The following PCSK5 variants were observed in gnomAD, a reference collection of about 807,000 sequenced individuals.
PCSK5 encodes proprotein convertase subtilisin/kexin type 5, also known as prohormone convertase 5.
In PCSK5, 129 loss-of-function variants were observed where a neutral mutation model predicts 233.2. The observed-to-expected ratio is 0.55, with a 90% CI of 0.48 to 0.64. PCSK5 has a LOEUF of 0.64. PCSK5 is among the 30% of genes least tolerant of loss of function. PCSK5 has a pLI of 0.00. For synonymous variants in PCSK5, 825 were observed against 879.2 expected, an observed-to-expected ratio of 0.94 and a Z score of 1.09; for missense variants, 2,076 against 2,430.1, an observed-to-expected ratio of 0.85 and a Z score of 3.06.
intron 35 of PCSK5, among the ~76,000 whole-genome samples, chr9:76,349,273 C>CAAAAAA (rs71372068): frequency 3.0e-5 from 2 of 66,444 alleles, no homozygotes; most frequent in Non-Finnish European, 2.9e-5. Context: ...GACTCTGTCT[C>CAAAAAA]AAAAAAAAAA....
chr9:76,052,224 A>G (rs762356288), intron 5 of PCSK5, among the ~76,000 whole-genome samples: 9 of 152,226 alleles, frequency 5.9e-5, no homozygotes, highest in Non-Finnish European at 1.2e-4. Flanking sequence ...AAGAAATGTT[A>G]GTAAGGAGGT....
At chr9:76,037,672 CTG>C (rs1407086027) in intron 5 of PCSK5, among the ~76,000 whole-genome samples, 1 of 152,134 alleles carries the variant, frequency 6.6e-6, no homozygotes, top group Non-Finnish European at 1.5e-5. Flanking sequence ...GAAAGATACT[CTG>C]TAGGAGGAAA....
chr9:76,189,157 T>C lies in PCSK5; in HGVS notation c.2444T>C (p.Val815Ala). 1 of 1,611,406 alleles carries C rather than the reference T, an allele frequency of 6.2e-7. No homozygotes were observed. The highest frequency in any genetic ancestry group is 8.5e-7 in the Non-Finnish European group (1 of 1,177,836). The stretch of plus-strand genomic sequence containing the variant: ...TACTTCATGGAGGATGGGAGATGCG[T>C]GCAGAGCTGTAGTATCAGCTATTAC... ...EGYFMEDGRC[V>A]QSCSISYYFD... Residue 815 changes from valine to alanine, a missense_variant, in exon 19 of 38, where the codon GTG becomes GCG. Physicochemically the swap from Val to Ala is moderately conservative, Grantham distance 64. Coordinates refer to ENST00000674117, the MANE Select transcript of PCSK5 (RefSeq NM_001372043.1).
intron 8 of PCSK5, among the ~76,000 whole-genome samples, chr9:76,098,492 C>T (rs1364425673): frequency 2.0e-5 from 3 of 152,210 alleles, no homozygotes; most frequent in South Asian, 2.1e-4. Flanking sequence ...TCATGGTCAA[C>T]GTCCACTAGC....
rs58207645 is a variant in PCSK5 at position 76,280,508 on chromosome 9, G to A, written c.3143-11725G>A. Among the ~76,000 whole-genome samples, 1,163 of 152,230 alleles carry A rather than the reference G, an allele frequency of 7.6e-3. 12 individuals are homozygous for A. The highest frequency in any genetic ancestry group is 0.026 in the African/African-American group (1,081 of 41,538). On this transcript the variant is annotated intron_variant, in intron 24 of 37. Transcript: ENST00000674117. ...TATAATCCCAGCACTTTGGGAGGCC[G>A]AGGCAGGAGGATCGCTTGAGCCCAG...
chr9:75,989,908 C>T (rs778452204), intron 3 of PCSK5, among the ~76,000 whole-genome samples: 10 of 152,074 alleles, frequency 6.6e-5, no homozygotes, highest in East Asian at 1.9e-4. Context: ...TAAGGAGTGT[C>T]GGGAGCCATC....
intron 30 of PCSK5, among the ~76,000 whole-genome samples, chr9:76,318,524 A>G (rs1425007063): frequency 6.6e-6 from 1 of 152,192 alleles, no homozygotes; most frequent in Non-Finnish European, 1.5e-5. Flanking sequence ...TCATCTCCCA[A>G]ATATATTTGA....
intron 24 of PCSK5, among the ~76,000 whole-genome samples, chr9:76,249,143 G>A (rs958653974): frequency 1.2e-4 from 18 of 152,146 alleles, no homozygotes; most frequent in Non-Finnish European, 2.4e-4. Flanking sequence ...AACACTTGTC[G>A]ATGTTTCAGA....
At chr9:76,181,708 A>T in intron 16 of PCSK5, 117 bp downstream of exon 16, 1 of 673,894 alleles carries the variant, frequency 1.5e-6, no homozygotes, top group Non-Finnish European at 2.6e-6. Context: ...ATCAAACAGG[A>T]TCTAGTTCAT....
At chr9:76,025,432 T>A (rs974550391) in intron 4 of PCSK5, among the ~76,000 whole-genome samples, 1 of 150,618 alleles carries the variant, frequency 6.6e-6, no homozygotes, top group Non-Finnish European at 1.5e-5. Context: ...ACCAAGCCAC[T>A]CAACAGACCA....
chr9:76,240,803 C>A, intron 24 of PCSK5, 119 bp downstream of exon 24: 1 of 697,500 alleles, frequency 1.4e-6, no homozygotes, highest in South Asian at 1.7e-5. Context: ...TCAGTGACAC[C>A]ATCAACGTCT....
At chr9:75,909,200 C>T (rs1359117727) in intron 1 of PCSK5, among the ~76,000 whole-genome samples, 4 of 151,494 alleles carry the variant, frequency 2.6e-5, no homozygotes, top group African/African-American at 9.7e-5. Context: ...TGATGCACAC[C>T]TGTAGTGTCA....
At chr9:76,260,955 T>A (rs951892013) in intron 24 of PCSK5, among the ~76,000 whole-genome samples, 1 of 152,180 alleles carries the variant, frequency 6.6e-6, no homozygotes, top group African/African-American at 2.4e-5. Flanking sequence ...ATTATATCAA[T>A]AACCTCTTCC....
At chr9:76,278,985 A>G (rs567198708) in intron 24 of PCSK5, among the ~76,000 whole-genome samples, 1 of 151,864 alleles carries the variant, frequency 6.6e-6, no homozygotes, top group Non-Finnish European at 1.5e-5. Flanking sequence ...ATATGTATAC[A>G]TGTGCCATGC....
At chr9:76,090,560 G>A (rs1170607576) in intron 7 of PCSK5, among the ~76,000 whole-genome samples, 2 of 152,160 alleles carry the variant, frequency 1.3e-5, no homozygotes, top group South Asian at 2.1e-4. Context: ...TTCTGTGGCA[G>A]AGCACACAGA....
At chr9:75,987,595 G>A (rs996619971) in intron 3 of PCSK5, among the ~76,000 whole-genome samples, 2 of 152,036 alleles carry the variant, frequency 1.3e-5, no homozygotes, top group African/African-American at 4.8e-5. Context: ...GAAAGGTTAT[G>A]GAAATATTTT....
chr9:76,316,740 C>CAAAAAA (rs58485029), intron 30 of PCSK5, among the ~76,000 whole-genome samples: 2 of 64,604 alleles, frequency 3.1e-5, no homozygotes, highest in African/African-American at 6.5e-5. Context: ...CTTGTCTCAC[C>CAAAAAA]AAAAAAAAAA....
At chr9:76,134,270 T>C in intron 10 of PCSK5, 58 bp downstream of exon 10, 1 of 1,076,228 alleles carries the variant, frequency 9.3e-7, no homozygotes, top group Non-Finnish European at 1.4e-6. Flanking sequence ...TCCCCCATTT[T>C]AAATGGAGAG....
intron 24 of PCSK5, among the ~76,000 whole-genome samples, chr9:76,271,567 G>T (rs1353575828): frequency 6.6e-6 from 1 of 152,116 alleles, no homozygotes; most frequent in Non-Finnish European, 1.5e-5. Flanking sequence ...GCCGGCAGGG[G>T]GCTGACACCT....
Sources: gnomAD v4.1 joint callset for allele counts (sites outside exome capture counted in the v4.1 genomes callset) on GRCh38, gnomAD v4.1.1 for gene constraint, MANE v1.5 for transcripts, NCBI Gene and HGNC (gene_info 2026-07-23, HGNC 2026-07-21) for gene names.